DPYSL5: variants seen among roughly 807,000 people sequenced by gnomAD.
DPYSL5 encodes dihydropyrimidinase like 5.
Under a neutral mutation model 58.4 loss-of-function variants are expected in DPYSL5, and 9 were observed. The observed-to-expected ratio is 0.15, with a 90% CI of 0.09 to 0.27. The LOEUF (loss-of-function observed/expected upper bound fraction) is 0.27. Ranked by LOEUF, DPYSL5 falls within the 10% of genes least tolerant of loss-of-function variation. The pLI, the probability that DPYSL5 is intolerant of heterozygous loss-of-function variation, is 1.00. For synonymous variants in DPYSL5, 293 were observed against 301.9 expected, an observed-to-expected ratio of 0.97 and a Z score of 0.31; for missense variants, 499 against 770.6, an observed-to-expected ratio of 0.65 and a Z score of 4.17.
chr2:26,942,165 A>C lies in DPYSL5; in HGVS notation c.1232+73A>C. ...AAGAAGACTTGCATTACAGATCTCC[A>C]AAAGCATATAATTTTGCACTATTTC... On this transcript the variant is annotated intron_variant, in intron 10 of 12. Coordinates refer to ENST00000288699, the MANE Select transcript of DPYSL5 (RefSeq NM_020134.4). This position sits in a 1 kb window ranked among gnomAD's most constrained non-coding sequence, Gnocchi z 5.9. 3 of 1,588,022 alleles carry C rather than the reference A, an allele frequency of 1.9e-6. No individual in the cohort carries two copies. Among genetic ancestry groups the C allele is most frequent in the Non-Finnish European group, 8.6e-7 (1 of 1,167,668 alleles).
intron 1 of DPYSL5, among the ~76,000 whole-genome samples, chr2:26,890,239 C>A (rs1663840846): frequency 6.6e-6 from 1 of 152,228 alleles, no homozygotes; most frequent in Admixed American, 6.5e-5. Context: ...ATTTGCATCT[C>A]TCTTGCTCCG....
intron 1 of DPYSL5, among the ~76,000 whole-genome samples, chr2:26,858,740 T>TC (rs1205142902): frequency 4.3e-5 from 5 of 116,222 alleles, no homozygotes; most frequent in African/African-American, 1.7e-4. Flanking sequence ...CAGCTATTTT[T>TC]TTTTTTTTTT....
chr2:26,935,078 C>T (rs949959712), intron 8 of DPYSL5, among the ~76,000 whole-genome samples: 1 of 152,174 alleles, frequency 6.6e-6, no homozygotes. Flanking sequence ...GGGGTCCTTT[C>T]TGTTTCTTTT....
At chr2:26,923,286 G>A (rs1326164112) in intron 2 of DPYSL5, among the ~76,000 whole-genome samples, 6 of 152,260 alleles carry the variant, frequency 3.9e-5, no homozygotes, top group Middle Eastern at 6.8e-3. Flanking sequence ...TGCTATGATT[G>A]CACCACTGTA....
rs1461447716 is a variant in DPYSL5 at position 26,944,433 on chromosome 2, C to T, written c.1441-223C>T. 2.6e-5 allele frequency among the ~76,000 whole-genome samples: 4 copies of T among 152,160 alleles called. No homozygotes were observed. Among genetic ancestry groups the T allele is most frequent in the East Asian group, 1.9e-4 (1 of 5,186 alleles). ...ACACATGTGCACTCACATACATGCA[C>T]GCATGCACACATGTACACATATGCA... On this transcript the variant is annotated intron_variant, in intron 11 of 12. Transcript: ENST00000288699. This position sits in a 1 kb window ranked among gnomAD's most constrained non-coding sequence, Gnocchi z 4.4.
At chr2:26,859,847 G>T (rs1021123205) in intron 1 of DPYSL5, among the ~76,000 whole-genome samples, 4 of 152,186 alleles carry the variant, frequency 2.6e-5, no homozygotes, top group Non-Finnish European at 4.4e-5. Flanking sequence ...GAGGTTTACT[G>T]TCTGATAACT....
At chr2:26,931,152 A>AAAAAT (rs1209140758) in intron 5 of DPYSL5, among the ~76,000 whole-genome samples, 4 of 48,824 alleles carry the variant, frequency 8.2e-5, no homozygotes, top group African/African-American at 2.0e-4. Context: ...AAAAAAAAAA[A>AAAAAT]ATATATATAT....
At chr2:26,940,649 C>T (rs1052031145) in intron 9 of DPYSL5, among the ~76,000 whole-genome samples, 1 of 151,610 alleles carries the variant, frequency 6.6e-6, no homozygotes, top group African/African-American at 2.4e-5. Flanking sequence ...TAATAACTGG[C>T]TTCATATTTT....
At chr2:26,885,849 C>A (rs1572687946) in intron 1 of DPYSL5, among the ~76,000 whole-genome samples, 1 of 152,308 alleles carries the variant, frequency 6.6e-6, no homozygotes, top group East Asian at 1.9e-4. Context: ...CTTCCAGAAT[C>A]CCTCAAAACA....
At chr2:26,888,845 C>G (rs1663797279) in intron 1 of DPYSL5, among the ~76,000 whole-genome samples, 1 of 152,100 alleles carries the variant, frequency 6.6e-6, no homozygotes, top group African/African-American at 2.4e-5. Flanking sequence ...CTACCGTAGA[C>G]TGGGTGGTTT....
In DPYSL5 at chr2:26,927,445, C is replaced by T; in HGVS notation, c.600+13C>T. On this transcript the variant is annotated intron_variant, in intron 4 of 12. Coordinates refer to ENST00000288699, the MANE Select transcript of DPYSL5 (RefSeq NM_020134.4). This position sits in a 1 kb window ranked among gnomAD's most constrained non-coding sequence, Gnocchi z 4.3. ...GCTTGTGGCCGAGGCAAGTCTGCAG[C>T]CAAGAATATTGGATGGAGGGACACC... is the stretch of plus-strand genomic sequence containing the variant. 3.1e-6 allele frequency: 5 copies of T among 1,612,600 alleles called. No homozygotes were observed. Among genetic ancestry groups the T allele is most frequent in the Non-Finnish European group, 4.2e-6 (5 of 1,179,288 alleles).
intron 1 of DPYSL5, among the ~76,000 whole-genome samples, chr2:26,895,628 A>T (rs1283264696): frequency 1.3e-5 from 2 of 152,132 alleles, no homozygotes; most frequent in Non-Finnish European, 2.9e-5. Flanking sequence ...CAATGTTATT[A>T]TTAACTATAG....
chr2:26,885,135 G>T (rs1443843409), intron 1 of DPYSL5, among the ~76,000 whole-genome samples: 2 of 152,096 alleles, frequency 1.3e-5, no homozygotes, highest in African/African-American at 2.4e-5. Context: ...GGAGGTGGAG[G>T]TTGCAGTGAG....
intron 1 of DPYSL5, among the ~76,000 whole-genome samples, chr2:26,851,672 G>A (rs893940486): frequency 2.0e-5 from 3 of 152,212 alleles, no homozygotes; most frequent in Non-Finnish European, 4.4e-5. Flanking sequence ...GCCAGGCACA[G>A]TGGATCACGC....
At chr2:26,872,866 C>T (rs1052600966) in intron 1 of DPYSL5, among the ~76,000 whole-genome samples, 9 of 152,110 alleles carry the variant, frequency 5.9e-5, no homozygotes, top group Non-Finnish European at 1.2e-4. Flanking sequence ...TTCTGCAAAA[C>T]TGCAGTCAAA....
chr2:26,943,292 G>A (rs1442667484), intron 11 of DPYSL5, among the ~76,000 whole-genome samples: 1 of 152,190 alleles, frequency 6.6e-6, no homozygotes, highest in Non-Finnish European at 1.5e-5. Flanking sequence ...AGGCCAATGA[G>A]TGAAGAAATC....
chr2:26,853,022 G>A (rs1051160070), intron 1 of DPYSL5, among the ~76,000 whole-genome samples: 4 of 152,086 alleles, frequency 2.6e-5, no homozygotes, highest in African/African-American at 9.7e-5. Flanking sequence ...ATTAACAGTG[G>A]GAACACAAGG....
At chr2:26,883,654 C>T (rs1663630508) in intron 1 of DPYSL5, among the ~76,000 whole-genome samples, 1 of 151,990 alleles carries the variant, frequency 6.6e-6, no homozygotes, top group Admixed American at 6.5e-5. Flanking sequence ...CCACTTCAGC[C>T]TCCCAAAGTG....
intron 1 of DPYSL5, among the ~76,000 whole-genome samples, chr2:26,858,821 G>A (rs185194682): frequency 2.0e-5 from 3 of 149,264 alleles, no homozygotes; most frequent in African/African-American, 4.9e-5. Flanking sequence ...CAATCCCCCC[G>A]CCTTGGCCTC....
Sources: allele counts gnomAD v4.1 joint callset (sites outside exome capture counted in the v4.1 genomes callset), GRCh38; gene constraint gnomAD v4.1.1; non-coding constraint Gnocchi (gnomAD v3.1); transcripts MANE v1.5; gene names NCBI Gene and HGNC (gene_info 2026-07-23, HGNC 2026-07-21).